The following ZBTB20 variants were observed in gnomAD, a reference collection of about 807,000 sequenced individuals.
The protein encoded by ZBTB20 is zinc finger and BTB domain containing 20.
A neutral mutation model predicts 56.9 loss-of-function variants in ZBTB20; 9 were observed. The observed-to-expected ratio is 0.16, with a 90% CI of 0.10 to 0.28. ZBTB20 has a LOEUF of 0.28. Among genes scored for constraint, ZBTB20 ranks in the 10% least tolerant of loss-of-function variants. ZBTB20 has a pLI of 1.00. For synonymous variants in ZBTB20, 417 were observed against 420.7 expected, an observed-to-expected ratio of 0.99 and a Z score of 0.11; for missense variants, 655 against 1,003.0, an observed-to-expected ratio of 0.65 and a Z score of 4.69.
intron 5 of ZBTB20, among the ~76,000 whole-genome samples, chr3:114,747,035 A>G (rs1394105682): frequency 1.3e-5 from 2 of 152,212 alleles, no homozygotes; most frequent in Non-Finnish European, 2.9e-5. Context: ...ATTTTTGATA[A>G]TAACTCTCTG....
At position 114,336,343 on chromosome 3, in the gene ZBTB20, A is replaced by G. The variant is rs1442132490; in HGVS notation, c.*2662T>C. ...TAAGTGGAAATATTAGTCTTACAAC[A>G]CTGCTATTTTAAAAAGCAAAATTAG... On this transcript the variant is annotated 3_prime_UTR_variant, in exon 12 of 12. Transcript: ENST00000675478. The G allele has an allele frequency of 6.6e-6, 1 of 152,194 alleles. No individual in the cohort carries two copies. Among genetic ancestry groups the G allele is most frequent in the Admixed American group, 6.5e-5 (1 of 15,286 alleles). The allele number at this position is 152,194 out of a possible 1,614,324, so 9.4% of individuals were successfully genotyped here.
intron 7 of ZBTB20, among the ~76,000 whole-genome samples, chr3:114,423,449 A>G (rs1411024390): frequency 6.6e-6 from 1 of 152,224 alleles, no homozygotes; most frequent in Non-Finnish European, 1.5e-5. Flanking sequence ...CTTGGAATTC[A>G]AAGTTCCATA....
intron 3 of ZBTB20, among the ~76,000 whole-genome samples, chr3:114,904,541 G>C (rs1428655301): frequency 6.6e-6 from 1 of 151,896 alleles, no homozygotes; most frequent in Non-Finnish European, 1.5e-5. Flanking sequence ...GCTGGATGTT[G>C]TATCATTATT....
intron 6 of ZBTB20, among the ~76,000 whole-genome samples, chr3:114,644,348 A>C (rs1402923828): frequency 6.6e-6 from 1 of 152,142 alleles, no homozygotes; most frequent in African/African-American, 2.4e-5. Flanking sequence ...TAGAGAGAAG[A>C]ACAAATTTGC....
chr3:114,666,811 G>A (rs1317810114), intron 6 of ZBTB20, among the ~76,000 whole-genome samples: 1 of 151,956 alleles, frequency 6.6e-6, no homozygotes, highest in African/African-American at 2.4e-5. Flanking sequence ...TTTAGAGATA[G>A]GACAGACTAC....
intron 7 of ZBTB20, among the ~76,000 whole-genome samples, chr3:114,394,866 A>G (rs573660185): frequency 6.6e-6 from 1 of 152,308 alleles, no homozygotes; most frequent in South Asian, 2.1e-4. Context: ...CATAGAGCAC[A>G]CTGTCAAAAA....
intron 2 of ZBTB20, among the ~76,000 whole-genome samples, chr3:115,026,581 A>C (rs1467334262): frequency 1.3e-5 from 2 of 150,786 alleles, no homozygotes; most frequent in African/African-American, 4.9e-5. Context: ...CCTTTACCTA[A>C]GTACTAAATG....
intron 7 of ZBTB20, among the ~76,000 whole-genome samples, chr3:114,390,210 C>T (rs2085702134): frequency 6.6e-6 from 1 of 152,082 alleles, no homozygotes; most frequent in Non-Finnish European, 1.5e-5. Context: ...AAAAAAAAGC[C>T]TATTTTTTCC....
At chr3:114,793,497 A>C (rs1038899705) in intron 5 of ZBTB20, among the ~76,000 whole-genome samples, 5 of 152,130 alleles carry the variant, frequency 3.3e-5, no homozygotes, top group South Asian at 2.1e-4. Flanking sequence ...AGATCTTACC[A>C]ATCTTCCCAG....
At chr3:115,117,940 G>C (rs982498902) in intron 1 of ZBTB20, among the ~76,000 whole-genome samples, 2 of 152,080 alleles carry the variant, frequency 1.3e-5, no homozygotes, top group Non-Finnish European at 2.9e-5. Context: ...AGAGTGCTTC[G>C]GTAGAAAGAA....
intron 3 of ZBTB20, among the ~76,000 whole-genome samples, chr3:114,957,586 C>A (rs1463428104): frequency 2.6e-5 from 4 of 152,138 alleles, no homozygotes; most frequent in Admixed American, 6.5e-5. Context: ...TGTGACTGGG[C>A]AAATCTCTTT....
At chr3:114,757,804 A>G (rs542435412) in intron 5 of ZBTB20, among the ~76,000 whole-genome samples, 3 of 152,268 alleles carry the variant, frequency 2.0e-5, no homozygotes, top group African/African-American at 4.8e-5. Flanking sequence ...AGAAGGCAAC[A>G]TATGTTTTAT....
At chr3:114,387,624 C>T (rs895355864) in intron 8 of ZBTB20, 1 of 152,166 alleles carries the variant, frequency 6.6e-6, no homozygotes, top group Non-Finnish European at 1.5e-5. Context: ...GATATAGAAA[C>T]TTTTAAACCC....
intron 6 of ZBTB20, among the ~76,000 whole-genome samples, chr3:114,611,628 G>A (rs1303442646): frequency 6.6e-6 from 1 of 152,164 alleles, no homozygotes; most frequent in African/African-American, 2.4e-5. Flanking sequence ...ATCCTAGGTT[G>A]GACTAGGATT....
At chr3:114,737,755 A>G (rs1211914130) in intron 5 of ZBTB20, among the ~76,000 whole-genome samples, 6 of 152,176 alleles carry the variant, frequency 3.9e-5, no homozygotes, top group Non-Finnish European at 7.4e-5. Context: ...TTAGGAAGAC[A>G]TGGGTAGAAA....
intron 6 of ZBTB20, among the ~76,000 whole-genome samples, chr3:114,652,042 T>C (rs753091864): frequency 2.0e-5 from 3 of 152,114 alleles, no homozygotes; most frequent in Non-Finnish European, 4.4e-5. Flanking sequence ...GTATAATTTA[T>C]ATTCAGCAAA....
At chr3:114,575,182 T>C (rs2107404578) in intron 6 of ZBTB20, among the ~76,000 whole-genome samples, 1 of 152,290 alleles carries the variant, frequency 6.6e-6, no homozygotes, top group African/African-American at 2.4e-5. Context: ...AAAAGTCATT[T>C]TTACAATTTA....
chr3:114,823,161 A>G (rs940320280), intron 4 of ZBTB20, among the ~76,000 whole-genome samples: 9 of 152,038 alleles, frequency 5.9e-5, no homozygotes, highest in Admixed American at 2.6e-4. Context: ...CCCATTTTCT[A>G]TGGGAATTCT....
At chr3:114,408,945 G>C (rs1014940068) in intron 7 of ZBTB20, among the ~76,000 whole-genome samples, 2 of 151,960 alleles carry the variant, frequency 1.3e-5, no homozygotes. Flanking sequence ...GTCCGCTCCT[G>C]GTGTGCTCTG....
Sources: allele counts gnomAD v4.1 joint callset (sites outside exome capture counted in the v4.1 genomes callset), GRCh38; gene constraint gnomAD v4.1.1; transcripts MANE v1.5; gene names NCBI Gene and HGNC (gene_info 2026-07-23, HGNC 2026-07-21).